Variants in SLC26A11 observed in about 807,000 individuals in gnomAD.
SLC26A11 encodes solute carrier family 26 member 11, also known as sodium-independent sulfate anion transporter.
Under a neutral mutation model 62.2 loss-of-function variants are expected in SLC26A11, and 58 were observed. That is an observed-to-expected ratio of 0.93 (90% confidence interval 0.76 to 1.16). The LOEUF (loss-of-function observed/expected upper bound fraction) is 1.16. SLC26A11 is among the 50% of genes most tolerant of loss of function. The pLI is 0.00. For synonymous variants in SLC26A11, 411 were observed against 368.9 expected (o/e 1.11, Z -1.31); for missense variants, 790 against 794.3 (o/e 0.99, Z 0.06).
Position 80,228,618 on chromosome 17 carries a change from C to G in SLC26A11, c.736+658C>G, listed in dbSNP as rs1175874007. ...CACCGGGCGAGGCAGTTGCTGGCAA[C>G]TAGCGAGGAGGGGCCAGGAATGCCA... On this transcript the variant is annotated intron_variant, in intron 7 of 17. Coordinates refer to ENST00000361193, the MANE Select transcript of SLC26A11 (RefSeq NM_001166347.2). This position sits in a 1 kb window ranked among gnomAD's most constrained non-coding sequence, Gnocchi z 4.1. 6.6e-6 allele frequency among the ~76,000 whole-genome samples: 1 copy of G among 152,224 alleles called. No homozygotes were observed. The highest frequency in any genetic ancestry group is 6.5e-5 in the Admixed American group (1 of 15,284).
rs747307491 is a variant in SLC26A11 at position 80,223,837 on chromosome 17, A to G, written c.513+500A>G. On this transcript the variant is annotated intron_variant, in intron 5 of 17. Transcript: ENST00000361193. The surrounding 1 kb of genome is among the most constrained non-coding windows in gnomAD (Gnocchi z 4.6). ...TATATTTTCTTTTAAAACATTTATA[A>G]TAAGTACTAAAATCAGTCATCAGCT... Among the ~76,000 whole-genome samples the G allele has an allele frequency of 2.6e-5, 4 of 152,184 alleles. No individual in the cohort carries two copies. The highest frequency in any genetic ancestry group is 6.5e-5 in the Admixed American group (1 of 15,278).
Position 80,223,209 on chromosome 17 carries a change from G to T in SLC26A11, c.428-43G>T, listed in dbSNP as rs757949125. On this transcript the variant is annotated intron_variant, in intron 4 of 17. Transcript: ENST00000361193. This position sits in a 1 kb window ranked among gnomAD's most constrained non-coding sequence, Gnocchi z 4.6. ...CATCTCCCCTCATCCTCTGGGACTG[G>T]GTGGAGCCGGGACCAGCTCGATGTC... 1.3e-4 allele frequency: 211 copies of T among 1,570,774 alleles called. No homozygotes were observed. Among genetic ancestry groups the T allele is most frequent in the Non-Finnish European group, 7.5e-5 (86 of 1,141,658 alleles).
rs1350349910 is a variant in SLC26A11, at chr17:80,253,338, CT to C, written c.*623del. ...CCACTTGGGTGATCATTCCAGACCC[CT>C]CCCCAAACATGCATATGTACCTGTC... On this transcript the variant is annotated 3_prime_UTR_variant, in exon 18 of 18. Coordinates refer to ENST00000361193, the MANE Select transcript of SLC26A11 (RefSeq NM_001166347.2). The C allele has an allele frequency of 3.3e-5, 5 of 152,310 alleles. No individual in the cohort carries two copies. Among genetic ancestry groups the C allele is most frequent in the African/African-American group, 1.2e-4 (5 of 41,450 alleles). The allele number at this position is 152,310 out of a possible 1,614,324, so 9.4% of individuals were successfully genotyped here. A position where few individuals can be genotyped will look rare whatever the true frequency, so the allele number is the denominator to read the frequency against.
In SLC26A11 at chr17:80,252,871, G is replaced by A; in HGVS notation, c.*155G>A. 1.6e-6 allele frequency: 1 copy of A among 620,910 alleles called. No individual in the cohort carries two copies. Among genetic ancestry groups the A allele is most frequent in the Non-Finnish European group, 2.8e-6 (1 of 362,264 alleles). The allele number at this position is 620,910 out of a possible 1,614,324, so 38.5% of individuals were successfully genotyped here. A position where few individuals can be genotyped will look rare whatever the true frequency, so the allele number is the denominator to read the frequency against. ...GAAGAGAAGGAAGCCAGGCCTGGAG[G>A]TCCACGGCAGTGGGAGTGGGGCTCA... On this transcript the variant is annotated 3_prime_UTR_variant, in exon 18 of 18. Transcript: ENST00000361193. This position sits in a 1 kb window ranked among gnomAD's most constrained non-coding sequence, Gnocchi z 5.2.
At chr17:80,225,053 T>C (rs1451154232) in intron 5 of SLC26A11, among the ~76,000 whole-genome samples, 3 of 151,990 alleles carry the variant, frequency 2.0e-5, no homozygotes, top group African/African-American at 7.2e-5. Context: ...TGTAAAGAAC[T>C]AAAGTGCAAG....
In SLC26A11 at chr17:80,246,614, A is replaced by G. The variant is rs773763400; in HGVS notation, c.1259A>G (p.Asp420Gly). Residue 420 changes from aspartate to glycine, a missense_variant, in exon 13 of 18, where the codon GAC becomes GGC. By Grantham distance (94) the Asp-to-Gly change is moderately conservative. Coordinates refer to ENST00000361193, the MANE Select transcript of SLC26A11 (RefSeq NM_001166347.2). The surrounding 1 kb of genome is among the most constrained non-coding windows in gnomAD (Gnocchi z 4.4). ...ATCATGGCCGTGGCCCCGCTGTTCG[A>G]CACCAAGATCTTCAGGACGCTCTGG... ...VIIMAVAPLF[D>G]TKIFRTLWRV... The G allele has an allele frequency of 1.2e-6, 2 of 1,613,838 alleles. No individual in the cohort carries two copies. The highest frequency in any genetic ancestry group is 1.7e-6 in the Non-Finnish European group (2 of 1,179,956).
chr17:80,238,813 TTTTTTTG>T (rs1248409417), intron 9 of SLC26A11, among the ~76,000 whole-genome samples: 9 of 142,594 alleles, frequency 6.3e-5, no homozygotes, highest in African/African-American at 1.1e-4. Flanking sequence ...TCAAAGGAGT[TTTTTTTG>T]TTTTTTGTTT....
chr17:80,250,075 C>T (rs141867819), intron 16 of SLC26A11, among the ~76,000 whole-genome samples: 145 of 152,296 alleles, frequency 9.5e-4, no homozygotes, highest in African/African-American at 3.2e-3. Flanking sequence ...CACCTAGGAG[C>T]CTTCTGAGCA....
intron 7 of SLC26A11, 146 bp from the exon 8 acceptor site, chr17:80,236,782 T>C: frequency 2.5e-6 from 2 of 810,894 alleles, no homozygotes; most frequent in Non-Finnish European, 4.0e-6. Context: ...GTCTGTGTTG[T>C]GTTTCCCAGA....
At chr17:80,241,878 C>A in intron 10 of SLC26A11, 57 bp downstream of exon 10, 1 of 1,578,770 alleles carries the variant, frequency 6.3e-7, no homozygotes, top group East Asian at 2.2e-5. Context: ...GGGTCCCAGG[C>A]CTGCCCCTCT....
intron 9 of SLC26A11, among the ~76,000 whole-genome samples, chr17:80,240,999 G>A (rs1455587852): frequency 6.6e-6 from 1 of 151,954 alleles, no homozygotes; most frequent in African/African-American, 2.4e-5. Context: ...CAGCTGCTCA[G>A]GAGCCTAAGG....
chr17:80,225,733 CG>C (rs2042389415), intron 5 of SLC26A11, 103 bp from the exon 6 acceptor site: 18 of 1,010,934 alleles, frequency 1.8e-5, no homozygotes, highest in Non-Finnish European at 2.8e-5. Context: ...GGAGCAGGGC[CG>C]GGGGACACTG....
intron 10 of SLC26A11, among the ~76,000 whole-genome samples, chr17:80,243,296 C>T (rs1026506727): frequency 3.1e-4 from 47 of 152,314 alleles, no homozygotes; most frequent in Middle Eastern, 6.8e-3. Flanking sequence ...CTGGGAATCA[C>T]GCACTTTCAG....
chr17:80,225,485 G>C (rs2042383743), intron 5 of SLC26A11: 1 of 238,532 alleles, frequency 4.2e-6, no homozygotes, highest in Admixed American at 5.1e-5. Flanking sequence ...GCCAATGGGG[G>C]TGGGGCCAGG....
At chr17:80,240,211 CA>C (rs35025670) in intron 9 of SLC26A11, among the ~76,000 whole-genome samples, 47 of 152,080 alleles carry the variant, frequency 3.1e-4, no homozygotes, top group Non-Finnish European at 5.6e-4. Flanking sequence ...ACTAAAAATA[CA>C]AAAAATTAGC....
rs1598837812 is a variant in SLC26A11, at chr17:80,246,022, T to A, written c.1098-132T>A. 9.2e-7 allele frequency: 1 copy of A among 1,084,824 alleles called. No homozygotes were observed. Among genetic ancestry groups the A allele is most frequent in the East Asian group, 2.4e-5 (1 of 42,430 alleles). The allele number at this position is 1,084,824 out of a possible 1,614,324, so 67.2% of individuals were successfully genotyped here. The stretch of plus-strand genomic sequence containing the variant: ...CCTAAGTCTCTTTGCCTCGGTCCCC[T>A]TGCAGTCCCCGCCTGCTTCCCAAGC... On this transcript the variant is annotated intron_variant, in intron 11 of 17. Transcript: ENST00000361193. This position sits in a 1 kb window ranked among gnomAD's most constrained non-coding sequence, Gnocchi z 4.4.
rs2042256736 is a variant in SLC26A11, at chr17:80,222,716, A to G, written c.296A>G (p.Asp99Gly). 6.2e-7 allele frequency: 1 copy of G among 1,613,688 alleles called. No individual in the cohort carries two copies. Among genetic ancestry groups the G allele is most frequent in the African/African-American group, 1.3e-5 (1 of 74,776 alleles). ...TATTTCTTCCTGGGCACCTCCCGGG[A>G]TGTGACTCTGGGCCCCACCGCCATT... ...FVYFFLGTSR[D>G]VTLGPTAIMS... is the part of the protein sequence containing the mutation. Residue 99 changes from aspartate (D) to glycine (G), a missense_variant, in exon 4 of 18, where the codon GAT (aspartate) becomes GGT (glycine). Asp to Gly is a moderately conservative substitution (Grantham distance 94). Transcript: ENST00000361193. This position sits in a 1 kb window ranked among gnomAD's most constrained non-coding sequence, Gnocchi z 4.7.
At chr17:80,248,372 G>A (rs2043065084) in intron 14 of SLC26A11, 115 bp downstream of exon 14, 20 of 1,418,084 alleles carry the variant, frequency 1.4e-5, no homozygotes, top group Admixed American at 6.9e-5. Context: ...GAAGGGGACC[G>A]CTCGCTGGCA....
chr17:80,222,576 C>A lies in SLC26A11; in HGVS notation c.235-79C>A. 1.4e-6 allele frequency: 2 copies of A among 1,443,422 alleles called. No individual in the cohort carries two copies. The highest frequency in any genetic ancestry group is 9.6e-7 in the Non-Finnish European group (1 of 1,043,888). The allele number at this position is 1,443,422 out of a possible 1,614,324, so 89.4% of individuals were successfully genotyped here. Reference sequence around the variant, plus strand: ...TGGACACAGCTGACACCCACACATCCCGAGCTTGGACACGCACACTAGGGA... The same window carrying A: ...TGGACACAGCTGACACCCACACATCACGAGCTTGGACACGCACACTAGGGA... On this transcript the variant is annotated intron_variant, in intron 3 of 17. Coordinates refer to ENST00000361193, the MANE Select transcript of SLC26A11 (RefSeq NM_001166347.2). This position sits in a 1 kb window ranked among gnomAD's most constrained non-coding sequence, Gnocchi z 4.7.
Sources: gnomAD v4.1 joint callset for allele counts (sites outside exome capture counted in the v4.1 genomes callset) on GRCh38, gnomAD v4.1.1 for gene constraint, Gnocchi (gnomAD v3.1) non-coding constraint, MANE v1.5 for transcripts, NCBI Gene and HGNC (gene_info 2026-07-23, HGNC 2026-07-21) for gene names.